The following SPTA1 variants were observed in gnomAD, a reference collection of about 807,000 sequenced individuals.
SPTA1 encodes the protein spectrin alpha chain, erythrocytic 1.
SPTA1 carries 177 observed loss-of-function variants against 324.7 expected under a neutral mutation model. That is an observed-to-expected ratio of 0.55 (90% CI 0.48 to 0.62). SPTA1 has a LOEUF of 0.62. Ranked by LOEUF, SPTA1 falls within the 20% of genes least tolerant of loss-of-function variation. The pLI is 0.00. For missense variants in SPTA1, 3,162 were observed against 2,883.6 expected (o/e 1.10, Z -2.21); for synonymous variants, 1,195 against 1,041.3 (o/e 1.15, Z -2.84).
intron 33 of SPTA1, among the ~76,000 whole-genome samples, chr1:158,642,124 A>G (rs544518842): frequency 2.6e-5 from 4 of 152,076 alleles, no homozygotes; most frequent in Non-Finnish European, 4.4e-5. Context: ...ACACATGGAC[A>G]CAGGAATGGG....
chr1:158,674,869 G>C (rs902173984), intron 8 of SPTA1, among the ~76,000 whole-genome samples, 194 bp from the exon 9 acceptor site: 1 of 152,114 alleles, frequency 6.6e-6, no homozygotes, highest in Non-Finnish European at 1.5e-5. Context: ...CTTCACCCCA[G>C]GTTTTATATT....
chr1:158,673,149 A>G (rs1435142362), intron 10 of SPTA1, among the ~76,000 whole-genome samples: 1 of 152,100 alleles, frequency 6.6e-6, no homozygotes, highest in African/African-American at 2.4e-5. Flanking sequence ...ATAAACTATC[A>G]GAATCCCAGG....
In SPTA1 at chr1:158,674,583, A is replaced by G. The variant is rs1206892445; in HGVS notation, c.1205T>C (p.Val402Ala). The G allele has an allele frequency of 1.9e-6, 3 of 1,614,116 alleles. No individual in the cohort carries two copies. Among genetic ancestry groups the G allele is most frequent in the Admixed American group, 1.7e-5 (1 of 60,012 alleles). Residue 402 changes from valine to alanine, a missense_variant, in exon 9 of 52, where the codon GTG becomes GCG. Coordinates refer to ENST00000643759, the MANE Select transcript of SPTA1 (RefSeq NM_003126.4). Reference protein sequence around the residue: ...AINADELPTDVAGGEVLLDRH... With the variant: ...AINADELPTDAAGGEVLLDRH... ...GTCCAGCAGAACTTCTCCACCAGCC[A>G]CATCTGTTGGCAGCTCATCAGCATT... is the stretch of plus-strand genomic sequence containing the variant.
chr1:158,661,528 T>A, intron 17 of SPTA1, 119 bp from the exon 18 acceptor site: 1 of 1,298,062 alleles, frequency 7.7e-7, no homozygotes, highest in African/African-American at 1.5e-5. Context: ...AACCATTGAG[T>A]AAGATTCTTT....
Position 158,638,156 on chromosome 1 carries a change from TC to T in SPTA1, c.5065del (p.Asp1689IlefsTer8). The T allele has an allele frequency of 6.2e-7, 1 of 1,614,004 alleles. No homozygotes were observed. The highest frequency in any genetic ancestry group is 8.5e-7 in the Non-Finnish European group (1 of 1,179,962). ...FNVDQIVKKKDNVNKRFLNVQ... is the reference protein window; with the variant it reads ...FNVDQIVKKKXNVNKRFLNVQ... Reference sequence around the variant, plus strand: ...ATTCAGGAAACGCTTGTTGACATTATCTTTTTTCTTCACAATCTGATCAACG... The same window carrying T: ...ATTCAGGAAACGCTTGTTGACATTATTTTTTTCTTCACAATCTGATCAACG... On this transcript the variant is annotated frameshift_variant, in exon 36 of 52. Transcript: ENST00000643759. LOFTEE classifies it high-confidence loss of function.
rs1256377737 is a variant in SPTA1 at position 158,685,282 on chromosome 1, T to G, written c.90A>C (p.Glu30Asp). Residue 30 changes from glutamate (E) to aspartate (D), a missense_variant, in exon 2 of 52, where the codon GAA becomes GAC. By Grantham distance (45) the Glu-to-Asp change is conservative. Transcript: ENST00000643759. ...TGAAACTTTGATACCGAGTCAACACTTCCTGACGCCTCTCCTGGATCTCTT... is the reference window on the plus strand; with the variant it reads ...TGAAACTTTGATACCGAGTCAACACGTCCTGACGCCTCTCCTGGATCTCTT... ...TAEEIQERRQEVLTRYQSFKE... is the reference protein window; with the variant it reads ...TAEEIQERRQDVLTRYQSFKE... 6.2e-7 allele frequency: 1 copy of G among 1,613,790 alleles called. No homozygotes were observed. The highest frequency in any genetic ancestry group is 8.5e-7 in the Non-Finnish European group (1 of 1,179,872).
At position 158,635,945 on chromosome 1, in the gene SPTA1, G is replaced by A; in HGVS notation, c.5400C>T (p.His1800=). 6.2e-7 allele frequency: 1 copy of A among 1,614,148 alleles called. No individual in the cohort carries two copies. The highest frequency in any genetic ancestry group is 8.5e-7 in the Non-Finnish European group (1 of 1,180,032). ...TGGCCAACTCTTTGAGCTTCTCCCA[G>A]TGTTCAACAAACTGAGCCAGCCGCA... is the stretch of plus-strand genomic sequence containing the variant. ...IQLRLAQFVE[H]WEKLKELAKA... The change falls in exon 38 of 52, where the codon CAC becomes CAT. Residue 1800 remains histidine, a synonymous_variant. Coordinates refer to ENST00000643759, the MANE Select transcript of SPTA1 (RefSeq NM_003126.4).
chr1:158,685,772 T>G (rs1655130751), intron 1 of SPTA1, among the ~76,000 whole-genome samples: 1 of 152,152 alleles, frequency 6.6e-6, no homozygotes, highest in African/African-American at 2.4e-5. Flanking sequence ...AAGAATGGCT[T>G]GCAATTAATT....
chr1:158,663,434 A>G (rs1486291918), intron 16 of SPTA1, among the ~76,000 whole-genome samples: 1 of 152,202 alleles, frequency 6.6e-6, no homozygotes, highest in Non-Finnish European at 1.5e-5. Flanking sequence ...AATTGTCAGA[A>G]GCTCAGAAAG....
intron 49 of SPTA1, 106 bp from the exon 50 acceptor site, chr1:158,613,973 G>T: frequency 7.8e-7 from 1 of 1,287,656 alleles, no homozygotes; most frequent in Non-Finnish European, 1.1e-6. Context: ...TTATTGACCT[G>T]TCACAAAACT....
At chr1:158,632,010 A>G (rs915336979) in intron 39 of SPTA1, among the ~76,000 whole-genome samples, 9 of 152,220 alleles carry the variant, frequency 5.9e-5, no homozygotes, top group African/African-American at 2.2e-4. Context: ...TCATTGCAGC[A>G]TTATTAACAA....
At chr1:158,626,443 C>CA (rs1650277697) in intron 41 of SPTA1, among the ~76,000 whole-genome samples, 1 of 151,728 alleles carries the variant, frequency 6.6e-6, no homozygotes, top group Admixed American at 6.6e-5. Context: ...CTTTTGAGTA[C>CA]TTCATAGAAA....
intron 5 of SPTA1, 38 bp from the exon 6 acceptor site, chr1:158,678,572 G>T (rs765364598): frequency 6.2e-7 from 1 of 1,607,526 alleles, no homozygotes; most frequent in Non-Finnish European, 8.5e-7. Flanking sequence ...ATACAGAGAT[G>T]AGATTATATT....
At position 158,657,796 on chromosome 1, in the gene SPTA1, G is replaced by A. The variant is rs554889941; in HGVS notation, c.2588-102C>T. 4.1e-6 allele frequency: 5 copies of A among 1,227,738 alleles called. No individual in the cohort carries two copies. The East Asian group carries it at 1.2e-4, about 29-fold the overall frequency. The allele number at this position is 1,227,738 out of a possible 1,614,324, so 76.1% of individuals were successfully genotyped here. ...AAAAGAGAAAGGAAGTGATAAAAAT[G>A]GTATGTTATTTAGTCGACGTTATAT... On this transcript the variant is annotated intron_variant, in intron 18 of 51. Coordinates refer to ENST00000643759, the MANE Select transcript of SPTA1 (RefSeq NM_003126.4).
At chr1:158,638,797 C>T (rs1168044544) in intron 35 of SPTA1, among the ~76,000 whole-genome samples, 2 of 151,026 alleles carry the variant, frequency 1.3e-5, no homozygotes, top group East Asian at 3.9e-4. Context: ...CATTCGTTCC[C>T]ATACAAGACT....
rs779283627 is a variant in SPTA1, at chr1:158,662,801, G to C, written c.2365C>G (p.Leu789Val). The C allele has an allele frequency of 6.2e-7, 1 of 1,614,054 alleles. No individual in the cohort carries two copies. Residue 789 changes from leucine to valine, a missense_variant, in exon 17 of 52, where the codon CTC becomes GTC. Leu to Val is a conservative substitution (Grantham distance 32). Coordinates refer to ENST00000643759, the MANE Select transcript of SPTA1 (RefSeq NM_003126.4). ...AGCTGCAGATGGAGAAGGTCTAAGA[G>C]CTTCTTCTTTCGGGTGGCCAGTGGC... ...KEPLATRKKK[L>V]LDLLHLQLIC...
chr1:158,652,735 G>A, intron 22 of SPTA1, 82 bp from the exon 23 acceptor site: 1 of 1,487,646 alleles, frequency 6.7e-7, no homozygotes, highest in Admixed American at 1.8e-5. Flanking sequence ...CATAGAGAAA[G>A]AAGGAACAAA....
chr1:158,618,111 T>A (rs1649690341), intron 45 of SPTA1, 55 bp from the exon 46 acceptor site: 1 of 1,495,852 alleles, frequency 6.7e-7, no homozygotes, highest in Admixed American at 1.7e-5. Flanking sequence ...AGATGATATG[T>A]TAAAATGGAT....
chr1:158,645,146 C>G, intron 29 of SPTA1, 42 bp downstream of exon 29: 7 of 1,607,656 alleles, frequency 4.4e-6, no homozygotes, highest in Non-Finnish European at 5.1e-6. Flanking sequence ...ATAGGAGAAA[C>G]AGACTACTGA....
Sources: gnomAD v4.1 joint callset for allele counts (sites outside exome capture counted in the v4.1 genomes callset) on GRCh38, gnomAD v4.1.1 for gene constraint, MANE v1.5 for transcripts, NCBI Gene and HGNC (gene_info 2026-07-23, HGNC 2026-07-21) for gene names.